Variants in TRHDE observed in about 807,000 individuals in gnomAD.
TRHDE encodes thyrotropin releasing hormone degrading enzyme, also known as thyrotropin-releasing hormone-degrading ectoenzyme.
In TRHDE, 72 loss-of-function variants were observed where a neutral mutation model predicts 125.7. The observed-to-expected ratio is 0.57, with a 90% CI of 0.47 to 0.70. TRHDE has a LOEUF of 0.70. TRHDE is among the 30% of genes least tolerant of loss of function. TRHDE has a pLI of 0.00. For missense variants in TRHDE, 1,110 were observed against 1,327.1 expected, an observed-to-expected ratio of 0.84 and a Z score of 2.54; for synonymous variants, 509 against 509.1, an observed-to-expected ratio of 1.00 and a Z score of 0.00.
intron 17 of TRHDE, among the ~76,000 whole-genome samples, 167 bp from the exon 18 acceptor site, chr12:72,656,760 G>C (rs182988584): frequency 1.6e-4 from 25 of 152,148 alleles, no homozygotes; most frequent in Admixed American, 1.4e-3. Context: ...ATAACTCTTT[G>C]TCCCTCCCTG....
intron 9 of TRHDE, among the ~76,000 whole-genome samples, chr12:72,565,274 A>G (rs1870387651): frequency 6.6e-6 from 1 of 152,204 alleles, no homozygotes; most frequent in South Asian, 2.1e-4. Context: ...ATATTTTCTG[A>G]GCCAGGAAAA....
At chr12:72,285,772 G>A (rs1414942555) in intron 1 of TRHDE, among the ~76,000 whole-genome samples, 1 of 152,084 alleles carries the variant, frequency 6.6e-6, no homozygotes, top group Non-Finnish European at 1.5e-5. Flanking sequence ...GCCTACCTTG[G>A]CCTCTCAAAG....
chr12:72,317,591 C>T (rs373328682), intron 2 of TRHDE, among the ~76,000 whole-genome samples: 1 of 152,014 alleles, frequency 6.6e-6, no homozygotes, highest in Admixed American at 6.6e-5. Flanking sequence ...GACACTAATC[C>T]CATTCATGAA....
intron 3 of TRHDE, among the ~76,000 whole-genome samples, chr12:72,418,378 A>G (rs1034204280): frequency 6.6e-6 from 1 of 152,142 alleles, no homozygotes; most frequent in Non-Finnish European, 1.5e-5. Flanking sequence ...AATATTTAAA[A>G]GCTGTCATTT....
At chr12:72,605,040 G>A (rs1057440579) in intron 12 of TRHDE, among the ~76,000 whole-genome samples, 2 of 151,982 alleles carry the variant, frequency 1.3e-5, no homozygotes, top group African/African-American at 4.8e-5. Flanking sequence ...AATATTTCTA[G>A]ATGAATAGTG....
At chr12:72,358,481 G>C (rs1870921526) in intron 2 of TRHDE, among the ~76,000 whole-genome samples, 1 of 151,518 alleles carries the variant, frequency 6.6e-6, no homozygotes, top group Admixed American at 6.6e-5. Context: ...TACAACATTT[G>C]TGTTAATCAA....
chr12:72,633,483 C>T (rs1215940985), intron 15 of TRHDE, among the ~76,000 whole-genome samples: 6 of 151,914 alleles, frequency 3.9e-5, no homozygotes, highest in Non-Finnish European at 7.4e-5. Context: ...CGAGATTTTC[C>T]TATTTCTTTT....
At chr12:72,423,241 A>G (rs1874033934) in intron 3 of TRHDE, among the ~76,000 whole-genome samples, 1 of 152,140 alleles carries the variant, frequency 6.6e-6, no homozygotes, top group Non-Finnish European at 1.5e-5. Flanking sequence ...AGGCTAAGCT[A>G]TGGTGTTTGG....
At chr12:72,306,755 C>T (rs900784936) in intron 2 of TRHDE, 1 of 151,942 alleles carries the variant, frequency 6.6e-6, no homozygotes, top group African/African-American at 2.4e-5. Flanking sequence ...GTGAGTTTGA[C>T]AAAAGCATTA....
chr12:72,338,041 C>T (rs991139863), intron 2 of TRHDE, among the ~76,000 whole-genome samples: 6 of 152,104 alleles, frequency 3.9e-5, no homozygotes, highest in Non-Finnish European at 7.4e-5. Flanking sequence ...GAATTTTCTG[C>T]TAACTGGAAC....
intron 2 of TRHDE, among the ~76,000 whole-genome samples, chr12:72,157,721 CT>C (rs888851517): frequency 2.0e-5 from 3 of 152,040 alleles, no homozygotes; most frequent in African/African-American, 7.3e-5. Flanking sequence ...CAGCAGATGC[CT>C]ATTAGATTTT....
At chr12:72,348,335 G>A (rs1489616091) in intron 2 of TRHDE, among the ~76,000 whole-genome samples, 1 of 151,714 alleles carries the variant, frequency 6.6e-6, no homozygotes, top group East Asian at 1.9e-4. Context: ...TTCTCGGTGA[G>A]TGCATGCTAC....
intron 7 of TRHDE, among the ~76,000 whole-genome samples, chr12:72,552,154 G>A (rs202122078): frequency 3.3e-5 from 5 of 152,088 alleles, no homozygotes; most frequent in African/African-American, 1.2e-4. Context: ...ATATGACATG[G>A]CTCTATTTAC....
intron 2 of TRHDE, among the ~76,000 whole-genome samples, chr12:72,131,808 AGCTTCT>A (rs1267758470): frequency 6.6e-6 from 1 of 152,184 alleles, no homozygotes; most frequent in Non-Finnish European, 1.5e-5. Context: ...TGACTCTTAA[AGCTTCT>A]GCTCTTAACT....
intron 2 of TRHDE, among the ~76,000 whole-genome samples, chr12:72,289,025 T>C (rs1201990796): frequency 6.6e-6 from 1 of 152,146 alleles, no homozygotes; most frequent in East Asian, 1.9e-4. Flanking sequence ...GACTCCTTTT[T>C]TCTGTCACTG....
At chr12:72,435,486 C>G (rs1183502811) in intron 3 of TRHDE, among the ~76,000 whole-genome samples, 1 of 151,970 alleles carries the variant, frequency 6.6e-6, no homozygotes, top group Non-Finnish European at 1.5e-5. Context: ...CTCTTCCAAT[C>G]AGGTTTGTTA....
intron 1 of TRHDE, among the ~76,000 whole-genome samples, chr12:72,089,266 T>C (rs926575913): frequency 6.6e-6 from 1 of 152,196 alleles, no homozygotes; most frequent in Non-Finnish European, 1.5e-5. Context: ...CCCTCTCCAG[T>C]TTTTTTCTTC....
Position 72,273,039 on chromosome 12 carries a change from C to A in TRHDE, c.396C>A (p.Gly132=). 1 of 1,536,778 alleles carries A rather than the reference C, an allele frequency of 6.5e-7. No homozygotes were observed. The highest frequency in any genetic ancestry group is 8.7e-7 in the Non-Finnish European group (1 of 1,146,682). Reference sequence around the variant, plus strand: ...GCCCCTCAGGCTTTCCGGAGCGCGGCGGCAACGGGAGCCTCCCTGGATCGG... The same window carrying A: ...GCCCCTCAGGCTTTCCGGAGCGCGGAGGCAACGGGAGCCTCCCTGGATCGG... ...DGGPSGFPER[G]GNGSLPGSAR... Residue 132 remains glycine, a synonymous_variant, in exon 1 of 19, where the codon GGC becomes GGA. Transcript: ENST00000261180. This position sits in a 1 kb window ranked among gnomAD's most constrained non-coding sequence, Gnocchi z 5.3.
At chr12:72,282,108 G>A (rs1200794713) in intron 1 of TRHDE, among the ~76,000 whole-genome samples, 1 of 152,050 alleles carries the variant, frequency 6.6e-6, no homozygotes, top group Non-Finnish European at 1.5e-5. Flanking sequence ...ATTTTTTATG[G>A]TAATAGACAG....
Sources: gnomAD v4.1 joint callset for allele counts (sites outside exome capture counted in the v4.1 genomes callset) on GRCh38, gnomAD v4.1.1 for gene constraint, Gnocchi (gnomAD v3.1) non-coding constraint, MANE v1.5 for transcripts, NCBI Gene and HGNC (gene_info 2026-07-23, HGNC 2026-07-21) for gene names.